The following PCDHGB1 variants were observed in gnomAD, a reference collection of about 807,000 sequenced individuals.
PCDHGB1 encodes protocadherin gamma subfamily B, 1.
In PCDHGB1, 34 loss-of-function variants were observed where a neutral mutation model predicts 56.6. The observed-to-expected ratio is 0.60, with a 90% CI of 0.46 to 0.80. PCDHGB1 has a LOEUF of 0.80. Ranked by LOEUF, PCDHGB1 falls within the 30% of genes least tolerant of loss-of-function variation. The pLI is 0.00. For synonymous variants in PCDHGB1, 561 were observed against 505.9 expected, an observed-to-expected ratio of 1.11 and a Z score of -1.46; for missense variants, 1,278 against 1,204.6, an observed-to-expected ratio of 1.06 and a Z score of -0.90.
At chr5:141,355,349 A>T (rs534261115) in intron 1 of PCDHGB1, 2 of 1,614,032 alleles carry the variant, frequency 1.2e-6, no homozygotes, top group South Asian at 2.2e-5. Flanking sequence ...AACATCGCCA[A>T]GGACCTGGGG....
At chr5:141,423,785 A>G (rs531378008) in intron 1 of PCDHGB1, 48 of 1,269,536 alleles carry the variant, frequency 3.8e-5, no homozygotes, top group Non-Finnish European at 4.4e-5. Context: ...TTTAGTTCAT[A>G]TATATTTAGA....
chr5:141,393,043 T>C (rs770560068), intron 1 of PCDHGB1: 1 of 1,613,732 alleles, frequency 6.2e-7, no homozygotes, highest in South Asian at 1.1e-5. Context: ...CTCTTTGCTC[T>C]GAACCCGCGC....
At chr5:141,510,272 TAA>T (rs546154379) in intron 3 of PCDHGB1, among the ~76,000 whole-genome samples, 46 of 130,286 alleles carry the variant, frequency 3.5e-4, no homozygotes, top group South Asian at 5.0e-4. Context: ...GACTCCATCT[TAA>T]AAAAAAAAAA....
Position 141,477,952 on chromosome 5 carries a change from A to T in PCDHGB1, c.2410-16855A>T, listed in dbSNP as rs907708638. ...CCTGGCTCTCCTACAGTCTCTTGGG[A>T]TCCCCTAACCAGAGCCTTTTTGCCA... On this transcript the variant is annotated intron_variant, in intron 1 of 3. Coordinates refer to ENST00000523390, the MANE Select transcript of PCDHGB1 (RefSeq NM_018922.3). This position sits in a 1 kb window ranked among gnomAD's most constrained non-coding sequence, Gnocchi z 4.9. The T allele has an allele frequency of 1.9e-6, 3 of 1,613,920 alleles. No individual in the cohort carries two copies. The African/African-American group carries it at 4.0e-5, about 22-fold the overall frequency.
At chr5:141,499,689 CTTTTTTTTTTT>C in intron 2 of PCDHGB1, among the ~76,000 whole-genome samples, 1 of 119,852 alleles carries the variant, frequency 8.3e-6, no homozygotes, top group Non-Finnish European at 1.7e-5. Context: ...TAACAGATGA[CTTTTTTTTTTT>C]TTTTTTTTTT....
At position 141,432,640 on chromosome 5, in the gene PCDHGB1, C is replaced by T. The variant is rs2097523683; in HGVS notation, c.2410-62167C>T. On this transcript the variant is annotated intron_variant, in intron 1 of 3. Transcript: ENST00000523390. This position sits in a 1 kb window ranked among gnomAD's most constrained non-coding sequence, Gnocchi z 6.0. ...TGGGTCTGCACACGGGCGAGGTGCG[C>T]ACGGCGCGAGCCCTGCTGGACAGAG... 1.9e-6 allele frequency: 3 copies of T among 1,613,814 alleles called. No individual in the cohort carries two copies. The highest frequency in any genetic ancestry group is 2.5e-6 in the Non-Finnish European group (3 of 1,179,932).
chr5:141,393,118 G>C (rs1254219994), intron 1 of PCDHGB1: 31 of 1,613,354 alleles, frequency 1.9e-5, no homozygotes, highest in Non-Finnish European at 2.5e-5. Flanking sequence ...AGCCCGCGGT[G>C]TCTGATAAAT....
chr5:141,387,653 A>C (rs981670504), intron 1 of PCDHGB1: 11 of 639,608 alleles, frequency 1.7e-5, no homozygotes, highest in Non-Finnish European at 2.9e-5. Context: ...CAAAGTGGAG[A>C]GCTTGGCGCT....
chr5:141,495,726 C>T (rs2099763293), intron 2 of PCDHGB1, among the ~76,000 whole-genome samples: 1 of 152,070 alleles, frequency 6.6e-6, no homozygotes, highest in Non-Finnish European at 1.5e-5. Flanking sequence ...ACACGGGACC[C>T]TTAGTCTCTT....
intron 1 of PCDHGB1, chr5:141,374,487 A>C: frequency 6.2e-7 from 1 of 1,611,648 alleles, no homozygotes; most frequent in Non-Finnish European, 8.5e-7. Flanking sequence ...CGATTCTTAA[A>C]GGAAGAATTG....
intron 1 of PCDHGB1, among the ~76,000 whole-genome samples, chr5:141,358,994 G>A (rs1588537636): frequency 6.6e-6 from 1 of 152,222 alleles, no homozygotes; most frequent in Admixed American, 6.5e-5. Context: ...GAATGCATAT[G>A]CTTACACAAA....
chr5:141,477,890 C>T lies in PCDHGB1; in HGVS notation c.2410-16917C>T, dbSNP rs202114426. ...TACCTCAGCTGGCCACCTAGTGTCA[C>T]GGGTGGTAGGCTGGGACGCGGATGC... is the stretch of plus-strand genomic sequence containing the variant. On this transcript the variant is annotated intron_variant, in intron 1 of 3. Coordinates refer to ENST00000523390, the MANE Select transcript of PCDHGB1 (RefSeq NM_018922.3). This position sits in a 1 kb window ranked among gnomAD's most constrained non-coding sequence, Gnocchi z 4.9. 9.9e-6 allele frequency: 16 copies of T among 1,614,086 alleles called. No individual in the cohort carries two copies. Among genetic ancestry groups the T allele is most frequent in the Admixed American group, 1.7e-5 (1 of 60,006 alleles).
intron 1 of PCDHGB1, chr5:141,357,352 C>A (rs1341933650): frequency 6.2e-7 from 1 of 1,614,156 alleles, no homozygotes; most frequent in Admixed American, 1.7e-5. Flanking sequence ...CAAGCTGAGA[C>A]GCTGGCACAA....
chr5:141,366,800 C>T (rs1243230147), intron 1 of PCDHGB1: 5 of 1,565,238 alleles, frequency 3.2e-6, no homozygotes, highest in Non-Finnish European at 4.3e-6. Context: ...TCATTTGTTT[C>T]CTTTTTCATG....
chr5:141,384,092 T>C, intron 1 of PCDHGB1: 1 of 1,596,242 alleles, frequency 6.3e-7, no homozygotes. Flanking sequence ...GAAAAATCAA[T>C]AGATAATTAT....
intron 1 of PCDHGB1, chr5:141,419,788 A>G (rs750179874): frequency 6.2e-7 from 1 of 1,614,054 alleles, no homozygotes; most frequent in Non-Finnish European, 8.5e-7. Context: ...AGCGCCTGCT[A>G]GTCGCTGTAA....
intron 1 of PCDHGB1, among the ~76,000 whole-genome samples, chr5:141,436,290 T>C (rs2097808305): frequency 6.6e-6 from 1 of 152,164 alleles, no homozygotes; most frequent in Non-Finnish European, 1.5e-5. Flanking sequence ...GAACAAATCA[T>C]TGAGAGTTAG....
At chr5:141,387,838 A>AG (rs2091116111) in intron 1 of PCDHGB1, 1 of 1,598,608 alleles carries the variant, frequency 6.3e-7, no homozygotes, top group African/African-American at 1.3e-5. Flanking sequence ...GGTTATTTGT[A>AG]ACCCGGCGTC....
At chr5:141,371,146 T>C (rs751386839) in intron 1 of PCDHGB1, 4 of 1,614,022 alleles carry the variant, frequency 2.5e-6, no homozygotes, top group East Asian at 4.5e-5. Flanking sequence ...AGGGTCAATG[T>C]TGCAGAGAAC....
Sources: gnomAD v4.1 joint callset for allele counts (sites outside exome capture counted in the v4.1 genomes callset) on GRCh38, gnomAD v4.1.1 for gene constraint, Gnocchi (gnomAD v3.1) non-coding constraint, MANE v1.5 for transcripts, NCBI Gene and HGNC (gene_info 2026-07-23, HGNC 2026-07-21) for gene names.